DLG2: variants seen among roughly 807,000 people sequenced by gnomAD.
The protein encoded by DLG2 is discs large MAGUK scaffold protein 2, also known as disks large homolog 2.
DLG2 carries 45 observed loss-of-function variants against 132.5 expected under a neutral mutation model. That is an observed-to-expected ratio of 0.34 (90% confidence interval 0.27 to 0.44). DLG2 has a LOEUF of 0.44. DLG2 is among the 20% of genes least tolerant of loss of function. The probability of loss-of-function intolerance (pLI) is 1.00; values close to 1 mark genes in which losing one functional copy is unlikely to be tolerated. For missense variants in DLG2, 1,045 were observed against 1,196.9 expected, an observed-to-expected ratio of 0.87 and a Z score of 1.87; for synonymous variants, 424 against 419.6, an observed-to-expected ratio of 1.01 and a Z score of -0.13.
rs139375046 is a variant in DLG2, at chr11:84,548,420, C to A, written c.358-13689G>T. 3.1e-3 allele frequency among the ~76,000 whole-genome samples: 472 copies of A among 151,962 alleles called. 3 individuals carry two copies. Among genetic ancestry groups the A allele is most frequent in the African/African-American group, 0.011 (444 of 41,394 alleles). On this transcript the variant is annotated intron_variant, in intron 6 of 27. Transcript: ENST00000376104. ...CGTTAGGTATATCTCCCAATGCTATCCATCCCCACCCGCCCCCCACCCCAC... is the reference window on the plus strand; with the variant it reads ...CGTTAGGTATATCTCCCAATGCTATACATCCCCACCCGCCCCCCACCCCAC...
intron 7 of DLG2, among the ~76,000 whole-genome samples, chr11:84,527,932 T>TCTCTCG (rs2099326674): frequency 6.7e-6 from 1 of 149,878 alleles, no homozygotes; most frequent in Non-Finnish European, 1.5e-5. Flanking sequence ...TCTCTCTCTC[T>TCTCTCG]CTCGCTAATA....
intron 3 of DLG2, among the ~76,000 whole-genome samples, chr11:85,467,544 C>T (rs975045079): frequency 6.6e-6 from 1 of 152,086 alleles, no homozygotes; most frequent in African/African-American, 2.4e-5. Flanking sequence ...TGTCAAAGGC[C>T]TTTTCTGCAT....
At chr11:85,612,238 C>A (rs1188148826) in intron 2 of DLG2, among the ~76,000 whole-genome samples, 2 of 152,236 alleles carry the variant, frequency 1.3e-5, no homozygotes, top group African/African-American at 2.4e-5. Flanking sequence ...AGGCCACTGA[C>A]AACCCATAGC....
chr11:83,591,704 C>T (rs1487600068), intron 19 of DLG2, among the ~76,000 whole-genome samples: 1 of 151,056 alleles, frequency 6.6e-6, no homozygotes, highest in South Asian at 2.1e-4. Context: ...GTCAAATTGT[C>T]CCTGTTTGCA....
chr11:85,335,524 T>C (rs1268908686), intron 3 of DLG2, among the ~76,000 whole-genome samples: 1 of 152,238 alleles, frequency 6.6e-6, no homozygotes, highest in Non-Finnish European at 1.5e-5. Context: ...TATGTTATTA[T>C]GTGTCTCTTT....
intron 19 of DLG2, among the ~76,000 whole-genome samples, chr11:83,588,307 C>T (rs940404715): frequency 6.6e-6 from 1 of 150,510 alleles, no homozygotes; most frequent in African/African-American, 2.5e-5. Context: ...AGACTGCCTC[C>T]TCAAGTGGGT....
chr11:83,588,834 A>C (rs903866745), intron 19 of DLG2, among the ~76,000 whole-genome samples: 1 of 152,234 alleles, frequency 6.6e-6, no homozygotes, highest in African/African-American at 2.4e-5. Context: ...CGAGATCTAC[A>C]TGAAGAATGC....
chr11:83,772,334 T>C (rs2094428083), intron 18 of DLG2, among the ~76,000 whole-genome samples: 1 of 150,920 alleles, frequency 6.6e-6, no homozygotes, highest in African/African-American at 2.4e-5. Flanking sequence ...CCCTTGAGCC[T>C]GGGAGGTGGA....
chr11:85,606,768 C>T (rs2080583540), intron 2 of DLG2, among the ~76,000 whole-genome samples: 1 of 152,120 alleles, frequency 6.6e-6, no homozygotes, highest in African/African-American at 2.4e-5. Flanking sequence ...TCAGCGAGAC[C>T]ATAAACCCAC....
intron 6 of DLG2, among the ~76,000 whole-genome samples, chr11:84,618,783 A>G (rs1305261147): frequency 2.0e-5 from 3 of 152,152 alleles, no homozygotes; most frequent in Non-Finnish European, 4.4e-5. Flanking sequence ...GAAACAGACT[A>G]CTATGAGTGA....
At chr11:84,819,106 C>CACACACACACACACACACA (rs769677741) in intron 6 of DLG2, among the ~76,000 whole-genome samples, 14 of 150,552 alleles carry the variant, frequency 9.3e-5, no homozygotes, top group South Asian at 2.1e-4. Context: ...CACACACACA[C>CACACACACACACACACACA]AATTTCGTTT....
At chr11:85,092,560 A>T (rs961477957) in intron 6 of DLG2, among the ~76,000 whole-genome samples, 33 of 152,194 alleles carry the variant, frequency 2.2e-4, no homozygotes, top group Non-Finnish European at 3.2e-4. Flanking sequence ...GGCAAACATG[A>T]ACACTTAGGG....
intron 6 of DLG2, among the ~76,000 whole-genome samples, chr11:84,668,000 A>G (rs1222444077): frequency 6.6e-6 from 1 of 152,090 alleles, no homozygotes; most frequent in Non-Finnish European, 1.5e-5. Context: ...AATAATAAGG[A>G]CTCTGAGTGA....
At chr11:83,567,928 T>C (rs950485579) in intron 19 of DLG2, among the ~76,000 whole-genome samples, 4 of 152,046 alleles carry the variant, frequency 2.6e-5, no homozygotes, top group African/African-American at 9.7e-5. Context: ...GATTAGAGAG[T>C]ATTTTGTGTA....
At chr11:84,923,254 T>C (rs1224319550) in intron 6 of DLG2, 12 of 1,513,070 alleles carry the variant, frequency 7.9e-6, no homozygotes, top group Non-Finnish European at 1.1e-5. Flanking sequence ...GATCTCTGTT[T>C]TCTCTGACTA....
intron 6 of DLG2, among the ~76,000 whole-genome samples, chr11:84,750,010 GAATTT>G (rs1402635164): frequency 2.0e-5 from 3 of 152,098 alleles, no homozygotes; most frequent in African/African-American, 4.8e-5. Context: ...AATGATTTCA[GAATTT>G]AATAATACAT....
chr11:85,338,987 C>T (rs997974102), intron 3 of DLG2, among the ~76,000 whole-genome samples: 33 of 152,108 alleles, frequency 2.2e-4, no homozygotes, highest in Admixed American at 3.9e-4. Context: ...CCACCACGCC[C>T]GGCCATGTGT....
In DLG2 at chr11:84,837,937, G is replaced by A. The variant is rs527645035; in HGVS notation, c.357+273724C>T. 5.3e-5 allele frequency among the ~76,000 whole-genome samples: 8 copies of A among 151,832 alleles called. No individual in the cohort carries two copies. The South Asian group carries it at 6.2e-4, about 12-fold the overall frequency. ...TCCCAGGCCCCACACCAGACTCACC[G>A]AATCAGAAACTCAGTCAGAGCTTGT... On this transcript the variant is annotated intron_variant, in intron 6 of 27. Coordinates refer to ENST00000376104, the MANE Select transcript of DLG2 (RefSeq NM_001142699.3).
At chr11:84,814,482 G>A (rs1265448364) in intron 6 of DLG2, among the ~76,000 whole-genome samples, 2 of 151,934 alleles carry the variant, frequency 1.3e-5, no homozygotes, top group Admixed American at 6.6e-5. Context: ...GCTCCCCACT[G>A]CCTTTCTAAC....
Sources: gnomAD v4.1 joint callset for allele counts (sites outside exome capture counted in the v4.1 genomes callset) on GRCh38, gnomAD v4.1.1 for gene constraint, MANE v1.5 for transcripts, NCBI Gene and HGNC (gene_info 2026-07-23, HGNC 2026-07-21) for gene names.